Variants in SLC24A2 observed in about 807,000 individuals in gnomAD.
SLC24A2 encodes solute carrier family 24 member 2.
In SLC24A2, 36 loss-of-function variants were observed where a neutral mutation model predicts 62.0. That is an observed-to-expected ratio of 0.58 (90% CI 0.44 to 0.77). The LOEUF (loss-of-function observed/expected upper bound fraction) is 0.77, where lower values mean the gene tolerates loss of function less well. Ranked by LOEUF, SLC24A2 falls within the 30% of genes least tolerant of loss-of-function variation. The pLI, the probability that SLC24A2 is intolerant of heterozygous loss-of-function variation, is 0.00. For synonymous variants in SLC24A2, 358 were observed against 294.0 expected, an observed-to-expected ratio of 1.22 and a Z score of -2.23; for missense variants, 846 against 817.9, an observed-to-expected ratio of 1.03 and a Z score of -0.42.
intron 2 of SLC24A2, among the ~76,000 whole-genome samples, chr9:19,641,653 C>A (rs1020735240): frequency 2.0e-5 from 3 of 151,906 alleles, no homozygotes; most frequent in Non-Finnish European, 4.4e-5. Flanking sequence ...TAGCTGGGAC[C>A]ACAGGTGCGT....
the SLC24A2 span, among the ~76,000 whole-genome samples, chr9:19,998,526 T>G: frequency 1.3e-5 from 2 of 152,190 alleles, no homozygotes; most frequent in Non-Finnish European, 2.9e-5. Context: ...GCAATAAATA[T>G]TAAAAACCTG....
intron 8 of SLC24A2, among the ~76,000 whole-genome samples, chr9:19,529,229 T>G (rs1833580490): frequency 6.6e-6 from 1 of 152,150 alleles, no homozygotes. Flanking sequence ...AGAGTTGACT[T>G]GTATGAAAGT....
At chr9:20,258,855 AATG>A in the SLC24A2 span, among the ~76,000 whole-genome samples, 21,287 of 139,140 alleles carry the variant, frequency 0.15, 1,845 homozygotes, top group South Asian at 0.19. Flanking sequence ...CTATCTATCT[AATG>A]TCTATCTATC....
At chr9:19,968,495 A>C in the SLC24A2 span, among the ~76,000 whole-genome samples, 1 of 152,234 alleles carries the variant, frequency 6.6e-6, no homozygotes, top group Admixed American at 6.5e-5. Context: ...TTATAGAAAT[A>C]AGGTCCACAG....
intron 7 of SLC24A2, among the ~76,000 whole-genome samples, chr9:19,571,812 C>G (rs1011379665): frequency 6.6e-6 from 1 of 152,112 alleles, no homozygotes; most frequent in African/African-American, 2.4e-5. Context: ...TAACAAGCAC[C>G]AAAGGTGGTT....
intron 2 of SLC24A2, among the ~76,000 whole-genome samples, chr9:19,758,637 T>C (rs1251438730): frequency 2.0e-5 from 3 of 152,128 alleles, no homozygotes; most frequent in African/African-American, 7.2e-5. Flanking sequence ...GAAAGAACCA[T>C]AGGAGTAGTG....
At chr9:20,296,505 G>A in the SLC24A2 span, among the ~76,000 whole-genome samples, 1 of 152,228 alleles carries the variant, frequency 6.6e-6, no homozygotes. Context: ...CACTATGCAT[G>A]TATGTAAAAA....
chr9:19,761,672 CT>C (rs2118854096), intron 2 of SLC24A2, among the ~76,000 whole-genome samples: 1 of 152,106 alleles, frequency 6.6e-6, no homozygotes, highest in South Asian at 2.1e-4. Context: ...TGATGCTCCC[CT>C]TCCTATGTCC....
the SLC24A2 span, among the ~76,000 whole-genome samples, chr9:20,274,496 G>A: frequency 2.0e-4 from 30 of 152,038 alleles, no homozygotes; most frequent in South Asian, 6.2e-4. Context: ...AACTTTTGAG[G>A]TGCAAGGGAA....
At chr9:19,769,730 A>G (rs529135779) in intron 2 of SLC24A2, among the ~76,000 whole-genome samples, 1 of 152,252 alleles carries the variant, frequency 6.6e-6, no homozygotes, top group Admixed American at 6.5e-5. Flanking sequence ...ATCAGAGCCC[A>G]TGTTCCACAC....
At chr9:19,848,173 G>A in the SLC24A2 span, among the ~76,000 whole-genome samples, 1 of 113,028 alleles carries the variant, frequency 8.8e-6, no homozygotes, top group African/African-American at 2.6e-5. Context: ...ATAGAAGAGG[G>A]GTTTATTTTG....
At chr9:20,036,549 T>G in the SLC24A2 span, among the ~76,000 whole-genome samples, 1 of 152,194 alleles carries the variant, frequency 6.6e-6, no homozygotes, top group Non-Finnish European at 1.5e-5. Context: ...ATGAGTTCAA[T>G]TGTTTTAGAT....
chr9:20,185,591 G>T, the SLC24A2 span, among the ~76,000 whole-genome samples: 10 of 151,100 alleles, frequency 6.6e-5, no homozygotes, highest in African/African-American at 2.4e-4. Flanking sequence ...CGTGAACCCG[G>T]GAAGCAGAGC....
chr9:19,914,964 AAGTCACC>A, the SLC24A2 span, among the ~76,000 whole-genome samples: 5 of 152,222 alleles, frequency 3.3e-5, no homozygotes, highest in South Asian at 1.0e-3. Flanking sequence ...ATTGATATAA[AAGTCACC>A]ATTTTAGCCA....
chr9:20,016,089 CAG>C, the SLC24A2 span, among the ~76,000 whole-genome samples: 1 of 152,142 alleles, frequency 6.6e-6, no homozygotes, highest in Non-Finnish European at 1.5e-5. Flanking sequence ...AAATATAGGC[CAG>C]TGCTTTTTGA....
At position 19,676,452 on chromosome 9, in the gene SLC24A2, C is replaced by G. The variant is rs191554456; in HGVS notation, c.931-54153G>C. Among the ~76,000 whole-genome samples, 11 of 152,332 alleles carry G rather than the reference C, an allele frequency of 7.2e-5. No individual in the cohort carries two copies. In the East Asian group the frequency reaches 1.7e-3, roughly 24 times the overall value. ...AATCTTAACAGATAGACCTGGAAAT[C>G]TGAAGAGCTGGGCTCTGTCCTGGCA... is the stretch of plus-strand genomic sequence containing the variant. On this transcript the variant is annotated intron_variant, in intron 2 of 10. Coordinates refer to ENST00000341998, the MANE Select transcript of SLC24A2 (RefSeq NM_020344.4).
the SLC24A2 span, among the ~76,000 whole-genome samples, chr9:19,993,254 C>T: frequency 3.6e-4 from 55 of 152,146 alleles, no homozygotes; most frequent in Non-Finnish European, 1.3e-4. Flanking sequence ...TCCCGAGCTT[C>T]GTTCACATAC....
chr9:19,745,379 T>C (rs1821803043), intron 2 of SLC24A2, among the ~76,000 whole-genome samples: 1 of 152,172 alleles, frequency 6.6e-6, no homozygotes, highest in Non-Finnish European at 1.5e-5. Context: ...AATACTTGTG[T>C]GTATGTACAT....
At chr9:19,672,057 T>C (rs1018553510) in intron 2 of SLC24A2, among the ~76,000 whole-genome samples, 2 of 146,580 alleles carry the variant, frequency 1.4e-5, no homozygotes, top group South Asian at 2.2e-4. Context: ...ATTAGGGTGA[T>C]ACCGGCTTCA....
Sources: gnomAD v4.1 joint callset for allele counts (sites outside exome capture counted in the v4.1 genomes callset) on GRCh38, gnomAD v4.1.1 for gene constraint, MANE v1.5 for transcripts, NCBI Gene and HGNC (gene_info 2026-07-23, HGNC 2026-07-21) for gene names.